SLC24A2: variants seen among roughly 807,000 people sequenced by gnomAD.
SLC24A2 encodes the protein sodium/potassium/calcium exchanger 2.
Under a neutral mutation model 62.0 loss-of-function variants are expected in SLC24A2, and 36 were observed. That is an observed-to-expected ratio of 0.58 (90% CI 0.44 to 0.77). SLC24A2 has a LOEUF of 0.77. Ranked by LOEUF, SLC24A2 falls within the 30% of genes least tolerant of loss-of-function variation. The probability of loss-of-function intolerance (pLI) is 0.00; values close to 1 mark genes in which losing one functional copy is unlikely to be tolerated. For synonymous variants in SLC24A2, 358 were observed against 294.0 expected, an observed-to-expected ratio of 1.22 and a Z score of -2.23; for missense variants, 846 against 817.9, an observed-to-expected ratio of 1.03 and a Z score of -0.42.
the SLC24A2 span, among the ~76,000 whole-genome samples, chr9:19,869,250 G>A: frequency 1.3e-5 from 2 of 152,182 alleles, no homozygotes; most frequent in African/African-American, 4.8e-5. Context: ...CAAGATGCTA[G>A]GATTACAGGC....
At chr9:20,236,864 G>A in the SLC24A2 span, among the ~76,000 whole-genome samples, 3 of 152,070 alleles carry the variant, frequency 2.0e-5, no homozygotes, top group African/African-American at 7.3e-5. Flanking sequence ...CTATCTGAAA[G>A]GTATGTGCCT....
At chr9:19,962,736 T>C in the SLC24A2 span, among the ~76,000 whole-genome samples, 1 of 152,232 alleles carries the variant, frequency 6.6e-6, no homozygotes, top group Admixed American at 6.5e-5. Context: ...TGAAGCTGCT[T>C]ATCAGCTTAA....
chr9:19,742,915 G>T (rs773811595), intron 2 of SLC24A2, among the ~76,000 whole-genome samples: 1 of 152,150 alleles, frequency 6.6e-6, no homozygotes, highest in Non-Finnish European at 1.5e-5. Flanking sequence ...GAACCATCTT[G>T]TTTTGTTTGG....
chr9:19,748,422 G>T (rs1451017183), intron 2 of SLC24A2, among the ~76,000 whole-genome samples: 3 of 152,128 alleles, frequency 2.0e-5, no homozygotes, highest in Admixed American at 6.6e-5. Flanking sequence ...TTTTAGACTG[G>T]CCTCCATTGA....
chr9:19,644,825 T>TA (rs1390136394), intron 2 of SLC24A2, among the ~76,000 whole-genome samples: 1 of 152,226 alleles, frequency 6.6e-6, no homozygotes, highest in Non-Finnish European at 1.5e-5. Context: ...TTGTTATTAT[T>TA]AATGCTACTT....
intron 2 of SLC24A2, among the ~76,000 whole-genome samples, chr9:19,684,646 G>A (rs1325713475): frequency 6.6e-6 from 1 of 151,910 alleles, no homozygotes; most frequent in African/African-American, 2.4e-5. Context: ...CTGGAATTTG[G>A]GTCTTTCATT....
the SLC24A2 span, among the ~76,000 whole-genome samples, chr9:19,991,707 T>C: frequency 6.6e-6 from 1 of 152,306 alleles, no homozygotes; most frequent in South Asian, 2.1e-4. Context: ...TTTTCACTCA[T>C]TGTATGGGCA....
intron 7 of SLC24A2, among the ~76,000 whole-genome samples, chr9:19,552,659 C>G (rs928426550): frequency 1.3e-5 from 2 of 152,182 alleles, no homozygotes; most frequent in East Asian, 3.8e-4. Context: ...AGCAACTTTT[C>G]TCTCGACTTC....
chr9:20,002,429 T>A, the SLC24A2 span, among the ~76,000 whole-genome samples: 1 of 148,220 alleles, frequency 6.7e-6, no homozygotes, highest in Admixed American at 6.9e-5. Context: ...GATAATAGCA[T>A]AACACCAGGA....
chr9:19,897,910 C>G, the SLC24A2 span, among the ~76,000 whole-genome samples: 1 of 152,202 alleles, frequency 6.6e-6, no homozygotes, highest in Non-Finnish European at 1.5e-5. Context: ...TTTATTTTTA[C>G]CACGCGTGTT....
At chr9:19,569,341 G>A (rs185062941) in intron 7 of SLC24A2, among the ~76,000 whole-genome samples, 3 of 152,250 alleles carry the variant, frequency 2.0e-5, no homozygotes, top group Admixed American at 2.0e-4. Context: ...ACCTCCCTTT[G>A]TCTAGTAATT....
upstream of SLC24A2, among the ~76,000 whole-genome samples, chr9:19,789,959 C>G (rs1011457940): frequency 2.6e-5 from 4 of 152,160 alleles, no homozygotes; most frequent in Non-Finnish European, 5.9e-5. Context: ...CCTGAGAGCT[C>G]ATGACCTCTG....
chr9:19,559,496 A>G (rs948263346), intron 7 of SLC24A2, among the ~76,000 whole-genome samples: 1 of 152,198 alleles, frequency 6.6e-6, no homozygotes, highest in African/African-American at 2.4e-5. Flanking sequence ...GCTTCTAAGC[A>G]GGGGGCAAGA....
chr9:20,032,929 G>T, the SLC24A2 span, among the ~76,000 whole-genome samples: 1 of 152,282 alleles, frequency 6.6e-6, no homozygotes, highest in Admixed American at 6.5e-5. Context: ...ATGGCAAGAC[G>T]TAACTCCGAT....
the SLC24A2 span, among the ~76,000 whole-genome samples, chr9:20,203,698 A>G: frequency 6.6e-6 from 1 of 152,068 alleles, no homozygotes; most frequent in Admixed American, 6.6e-5. Flanking sequence ...AAAAAAAAGA[A>G]GAAGAAAGAA....
At chr9:19,516,812 G>A (rs1417745943) in intron 10 of SLC24A2, among the ~76,000 whole-genome samples, 1 of 152,146 alleles carries the variant, frequency 6.6e-6, no homozygotes, top group African/African-American at 2.4e-5. Context: ...GCACAGAAAT[G>A]AGTGGTGAAA....
At chr9:19,867,575 G>C in the SLC24A2 span, among the ~76,000 whole-genome samples, 1 of 151,680 alleles carries the variant, frequency 6.6e-6, no homozygotes, top group African/African-American at 2.4e-5. Flanking sequence ...CTCTTATCTT[G>C]GTCAGTCTAC....
intron 2 of SLC24A2, among the ~76,000 whole-genome samples, chr9:19,751,879 G>T (rs889430987): frequency 4.6e-5 from 7 of 152,156 alleles, no homozygotes; most frequent in Admixed American, 2.0e-4. Context: ...AAGAAGACTT[G>T]GCTGAATTAG....
At chr9:20,170,931 T>C in the SLC24A2 span, among the ~76,000 whole-genome samples, 1 of 151,854 alleles carries the variant, frequency 6.6e-6, no homozygotes, top group Non-Finnish European at 1.5e-5. Context: ...TTATCTAAAA[T>C]TAAGAAGAGG....
Sources: allele counts gnomAD v4.1 joint callset (sites outside exome capture counted in the v4.1 genomes callset), GRCh38; gene constraint gnomAD v4.1.1; transcripts MANE v1.5; gene names NCBI Gene and HGNC (gene_info 2026-07-23, HGNC 2026-07-21).